NPAP1: variants seen among roughly 807,000 people sequenced by gnomAD.
NPAP1 encodes nuclear pore associated protein 1, also known as nuclear pore-associated protein 1.
For synonymous variants in NPAP1, 616 were observed against 581.4 expected (o/e 1.06, Z -0.86); for missense variants, 1,483 against 1,454.5 (o/e 1.02, Z -0.32).
Position 24,677,128 on chromosome 15 carries a change from T to C in NPAP1, c.1261T>C (p.Ser421Pro), listed in dbSNP as rs772617158. ...CCTGACCACTTACACTTCCCAGGTC[T>C]CAGCTCCTTTGCCCATCCCTGACTT... is the stretch of plus-strand genomic sequence containing the variant. ...LPLTTYTSQVSAPLPIPDLAD... is the reference protein window; with the variant it reads ...LPLTTYTSQVPAPLPIPDLAD... The change falls in exon 1 of 1, where the codon TCA becomes CCA. Residue 421 changes from serine to proline, a missense_variant. Coordinates refer to ENST00000329468, the MANE Select transcript of NPAP1 (RefSeq NM_018958.3). 11 of 1,613,988 alleles carry C rather than the reference T, an allele frequency of 6.8e-6. No individual in the cohort carries two copies. The South Asian group carries it at 1.2e-4, about 18-fold the overall frequency.
In NPAP1 at chr15:24,680,400, A is replaced by G. The variant is rs1595617385; in HGVS notation, c.*1062A>G. On this transcript the variant is annotated 3_prime_UTR_variant, in exon 1 of 1. Coordinates refer to ENST00000329468, the MANE Select transcript of NPAP1 (RefSeq NM_018958.3). ...GCCACTAGTGACACTTGTACCTGCCAAGGCCTTCATAGGAGCCACCAACTC... is the reference window on the plus strand; with the variant it reads ...GCCACTAGTGACACTTGTACCTGCCGAGGCCTTCATAGGAGCCACCAACTC... The G allele has an allele frequency of 6.0e-6, 1 of 167,300 alleles. No homozygotes were observed. The highest frequency in any genetic ancestry group is 1.9e-4 in the East Asian group (1 of 5,174). 10.4% of individuals were successfully genotyped at this position (167,300 alleles called of 1,614,324 possible).
In NPAP1 at chr15:24,676,829, C is replaced by T. The variant is rs2048979624; in HGVS notation, c.962C>T (p.Ala321Val). 2.5e-6 allele frequency: 4 copies of T among 1,613,022 alleles called. No homozygotes were observed. Among genetic ancestry groups the T allele is most frequent in the Non-Finnish European group, 3.4e-6 (4 of 1,180,018 alleles). The stretch of plus-strand genomic sequence containing the variant: ...AGGAGCGCTGCTCCTCCCAGAGCTG[C>T]CCGCAACAGGCCCTGCAAAAGGAAA... Reference protein sequence around the residue: ...PPRSAAPPRAARNRPCKRKMS... With the variant: ...PPRSAAPPRAVRNRPCKRKMS... Residue 321 changes from alanine to valine, a missense_variant, in exon 1 of 1, where the codon GCC (alanine) becomes GTC (valine). Coordinates refer to ENST00000329468, the MANE Select transcript of NPAP1 (RefSeq NM_018958.3).
Position 24,675,945 on chromosome 15 carries a change from T to C in NPAP1, c.78T>C (p.Ala26=). 1 of 1,586,304 alleles carries C rather than the reference T, an allele frequency of 6.3e-7. No individual in the cohort carries two copies. Among genetic ancestry groups the C allele is most frequent in the Non-Finnish European group, 8.6e-7 (1 of 1,168,910 alleles). The part of the protein sequence containing the change: ...PLPGPGRGAP[A]PLSRDASPPG... ...CAGGGCCAGGGCGTGGCGCCCCCGC[T>C]CCCCTGTCCCGGGACGCCTCCCCGC... is the stretch of plus-strand genomic sequence containing the variant. Residue 26 remains alanine, a synonymous_variant, in exon 1 of 1, where the codon GCT becomes GCC. Transcript: ENST00000329468.
In NPAP1 at chr15:24,676,557, G is replaced by T. The variant is rs146878373; in HGVS notation, c.690G>T (p.Ala230=). 1 of 1,613,994 alleles carries T rather than the reference G, an allele frequency of 6.2e-7. No individual in the cohort carries two copies. Among genetic ancestry groups the T allele is most frequent in the Admixed American group, 1.7e-5 (1 of 60,020 alleles). The part of the protein sequence containing the change: ...SMSEKAQASP[A]SSCLEGPAMP... ...GTGAGAAGGCCCAGGCGTCTCCAGCGAGCTCCTGCTTGGAAGGCCCTGCCA... is the reference window on the plus strand; with the variant it reads ...GTGAGAAGGCCCAGGCGTCTCCAGCTAGCTCCTGCTTGGAAGGCCCTGCCA... The change falls in exon 1 of 1, where the codon GCG becomes GCT. Residue 230 remains alanine, a synonymous_variant. Coordinates refer to ENST00000329468, the MANE Select transcript of NPAP1 (RefSeq NM_018958.3).
In NPAP1 at chr15:24,681,833, G is replaced by T. The variant is rs2049019564; in HGVS notation, c.*2495G>T. 1 of 166,894 alleles carries T rather than the reference G, an allele frequency of 6.0e-6. No homozygotes were observed. The highest frequency in any genetic ancestry group is 2.1e-4 in the South Asian group (1 of 4,816). 10.3% of individuals were successfully genotyped at this position (166,894 alleles called of 1,614,324 possible). ...GAGATAGATGATAGATAGATAGATA[G>T]ATAGATAGATAATATACATATATAT... is the stretch of plus-strand genomic sequence containing the variant. On this transcript the variant is annotated 3_prime_UTR_variant, in exon 1 of 1. Transcript: ENST00000329468.
rs780245958 is a variant in NPAP1 at position 24,676,133 on chromosome 15, G to T, written c.266G>T (p.Gly89Val). The T allele has an allele frequency of 1.2e-5, 19 of 1,575,302 alleles. 1 individual carries two copies. The South Asian group carries it at 2.1e-4, about 18-fold the overall frequency. ...AAPLGVLPAV[G>V]WGLAIRKTPM... ...CCTCTGGGGGTCCTGCCGGCTGTGG[G>T]TTGGGGGCTGGCCATCAGGAAGACA... The change falls in exon 1 of 1, where the codon GGT becomes GTT. Residue 89 changes from glycine to valine, a missense_variant. Physicochemically the swap from Gly to Val is moderately radical, Grantham distance 109. Transcript: ENST00000329468.
In NPAP1 at chr15:24,677,947, C is replaced by T. The variant is rs2141311482; in HGVS notation, c.2080C>T (p.Pro694Ser). 1 of 1,613,094 alleles carries T rather than the reference C, an allele frequency of 6.2e-7. No homozygotes were observed. The highest frequency in any genetic ancestry group is 2.2e-5 in the East Asian group (1 of 44,774). The change falls in exon 1 of 1, where the codon CCC becomes TCC. Residue 694 changes from proline to serine, a missense_variant. Pro to Ser is a moderately conservative substitution (Grantham distance 74). Coordinates refer to ENST00000329468, the MANE Select transcript of NPAP1 (RefSeq NM_018958.3). ...SASTASSSKP[P>S]IETNAMHTTP... Reference sequence around the variant, plus strand: ...CTCTACAGCATCATCATCCAAACCTCCCATTGAAACCAATGCTATGCATAC... The same window carrying T: ...CTCTACAGCATCATCATCCAAACCTTCCATTGAAACCAATGCTATGCATAC...
Position 24,680,748 on chromosome 15 carries a change from G to C in NPAP1, c.*1410G>C, listed in dbSNP as rs2049011999. 2 of 164,934 alleles carry C rather than the reference G, an allele frequency of 1.2e-5. No homozygotes were observed. Among genetic ancestry groups the C allele is most frequent in the Non-Finnish European group, 2.9e-5 (2 of 68,166 alleles). The allele number at this position is 164,934 out of a possible 1,614,324, so 10.2% of individuals were successfully genotyped here. A position where few individuals can be genotyped will look rare whatever the true frequency, so the allele number is the denominator to read the frequency against. On this transcript the variant is annotated 3_prime_UTR_variant, in exon 1 of 1. Transcript: ENST00000329468. ...TGTTAACTTGGCTGACCCTACCTCT[G>C]GGCCAGTTCTCTCTAGTCATGGACA... is the stretch of plus-strand genomic sequence containing the variant.
rs1555368450 is a variant in NPAP1 at position 24,681,816 on chromosome 15, T to TAATAGATAGATAGATAGATA, written c.*2478_*2479insAATAGATAGATAGATAGATA. 20 of 164,848 alleles carry TAATAGATAGATAGATAGATA rather than the reference T, an allele frequency of 1.2e-4. No individual in the cohort carries two copies. The highest frequency in any genetic ancestry group is 4.0e-4 in the Admixed American group (6 of 15,082). The allele number at this position is 164,848 out of a possible 1,614,324, so 10.2% of individuals were successfully genotyped here. A position where few individuals can be genotyped will look rare whatever the true frequency, so the allele number is the denominator to read the frequency against. On this transcript the variant is annotated 3_prime_UTR_variant, in exon 1 of 1. Transcript: ENST00000329468. ...TACATAGATAGATGATAGAGATAGATGATAGATAGATAGATAGATAGATAG... is the reference window on the plus strand; with the variant it reads ...TACATAGATAGATGATAGAGATAGATAATAGATAGATAGATAGATAGATAGATAGATAGATAGATAGATAG...
chr15:24,677,588 A>C lies in NPAP1; in HGVS notation c.1721A>C (p.Glu574Ala). ...ACCTCACAGACTGCGGTAGACCCTG[A>C]AGTAGTTAATATGGATACTACTGCC... Reference protein sequence around the residue: ...HLTSQTAVDPEVVNMDTTAPS... With the variant: ...HLTSQTAVDPAVVNMDTTAPS... Residue 574 changes from glutamate (E) to alanine (A), a missense_variant, in exon 1 of 1, where the codon GAA (glutamate) becomes GCA (alanine). Coordinates refer to ENST00000329468, the MANE Select transcript of NPAP1 (RefSeq NM_018958.3). 1 of 1,614,166 alleles carries C rather than the reference A, an allele frequency of 6.2e-7. No individual in the cohort carries two copies. Among genetic ancestry groups the C allele is most frequent in the Non-Finnish European group, 8.5e-7 (1 of 1,180,032 alleles).
Position 24,679,861 on chromosome 15 carries a change from G to A in NPAP1, c.*523G>A, listed in dbSNP as rs1309715374. On this transcript the variant is annotated 3_prime_UTR_variant, in exon 1 of 1. Transcript: ENST00000329468. ...TGGCTAAATGCAGGTGGTGCAATAG[G>A]AGATAGCCCCAGATATTTGTAGGGA... is the stretch of plus-strand genomic sequence containing the variant. 1 of 174,636 alleles carries A rather than the reference G, an allele frequency of 5.7e-6. No individual in the cohort carries two copies. Among genetic ancestry groups the A allele is most frequent in the Admixed American group, 5.9e-5 (1 of 16,992 alleles). 10.8% of individuals were successfully genotyped at this position (174,636 alleles called of 1,614,324 possible).
Position 24,680,783 on chromosome 15 carries a change from A to C in NPAP1, c.*1445A>C, listed in dbSNP as rs576211089. 7 of 167,112 alleles carry C rather than the reference A, an allele frequency of 4.2e-5. No homozygotes were observed. Among genetic ancestry groups the C allele is most frequent in the South Asian group, 4.1e-4 (2 of 4,828 alleles). The allele number at this position is 167,112 out of a possible 1,614,324, so 10.4% of individuals were successfully genotyped here. A position where few individuals can be genotyped will look rare whatever the true frequency, so the allele number is the denominator to read the frequency against. Reference sequence around the variant, plus strand: ...TCTCTAGTCATGGACAGAAAGGCAAAATTCCCGACTTTGTGGACCCTATAT... The same window carrying C: ...TCTCTAGTCATGGACAGAAAGGCAACATTCCCGACTTTGTGGACCCTATAT... On this transcript the variant is annotated 3_prime_UTR_variant, in exon 1 of 1. Coordinates refer to ENST00000329468, the MANE Select transcript of NPAP1 (RefSeq NM_018958.3).
In NPAP1 at chr15:24,676,671, C is replaced by T. The variant is rs1230005561; in HGVS notation, c.804C>T (p.Gly268=). The change falls in exon 1 of 1, where the codon GGC becomes GGT. Residue 268 remains glycine, a synonymous_variant. Coordinates refer to ENST00000329468, the MANE Select transcript of NPAP1 (RefSeq NM_018958.3). ...CAGCGCCCCCTGAGCCAGCCGTTGG[C>T]TGCTCCCTGCTGCAGCAGAAGTTGG... ...DATAPPEPAV[G]CSLLQQKLAA... The T allele has an allele frequency of 6.2e-7, 1 of 1,614,052 alleles. No individual in the cohort carries two copies. Among genetic ancestry groups the T allele is most frequent in the Non-Finnish European group, 8.5e-7 (1 of 1,180,050 alleles).
chr15:24,680,408 C>T lies in NPAP1; in HGVS notation c.*1070C>T, dbSNP rs147826901. 2 of 167,280 alleles carry T rather than the reference C, an allele frequency of 1.2e-5. No individual in the cohort carries two copies. The highest frequency in any genetic ancestry group is 4.8e-5 in the African/African-American group (2 of 41,578). 10.4% of individuals were successfully genotyped at this position (167,280 alleles called of 1,614,324 possible). On this transcript the variant is annotated 3_prime_UTR_variant, in exon 1 of 1. Coordinates refer to ENST00000329468, the MANE Select transcript of NPAP1 (RefSeq NM_018958.3). ...TGACACTTGTACCTGCCAAGGCCTT[C>T]ATAGGAGCCACCAACTCATTTTTTA...
rs2141307479 is a variant in NPAP1 at position 24,676,188 on chromosome 15, G to C, written c.321G>C (p.Arg107Ser). The C allele has an allele frequency of 6.4e-7, 1 of 1,569,588 alleles. No homozygotes were observed. The highest frequency in any genetic ancestry group is 1.2e-5 in the South Asian group (1 of 83,434). ...TGCTGCCTGCTCGGAACCCCCCGAG[G>C]TTTGGACACCCCAGTTCCGTAAGGA... is the stretch of plus-strand genomic sequence containing the variant. ...TPMLPARNPP[R>S]FGHPSSVRIP... is the part of the protein sequence containing the mutation. The change falls in exon 1 of 1, where the codon AGG becomes AGC. Residue 107 changes from arginine (R) to serine (S), a missense_variant. Arg to Ser is a moderately radical substitution (Grantham distance 110). Transcript: ENST00000329468.
rs2141310771 is a variant in NPAP1, at chr15:24,677,627, T to C, written c.1760T>C (p.Val587Ala). Residue 587 changes from valine (V) to alanine (A), a missense_variant, in exon 1 of 1, where the codon GTT becomes GCT. Transcript: ENST00000329468. ...GATACTACTGCCCCATCTCAGGTTG[T>C]TATTTTCACATCTTCCCTAAGCTCC... is the stretch of plus-strand genomic sequence containing the variant. ...NMDTTAPSQV[V>A]IFTSSLSSRV... is the part of the protein sequence containing the mutation. The C allele has an allele frequency of 1.2e-6, 2 of 1,614,210 alleles. No individual in the cohort carries two copies. Among genetic ancestry groups the C allele is most frequent in the Non-Finnish European group, 1.7e-6 (2 of 1,180,034 alleles).
In NPAP1 at chr15:24,676,560, C is replaced by A. The variant is rs754734432; in HGVS notation, c.693C>A (p.Ser231Arg). The A allele has an allele frequency of 7.4e-6, 12 of 1,613,968 alleles. No homozygotes were observed. In the African/African-American group the frequency reaches 1.5e-4, roughly 20 times the overall value. Residue 231 changes from serine (S) to arginine (R), a missense_variant, in exon 1 of 1, where the codon AGC (serine) becomes AGA (arginine). Coordinates refer to ENST00000329468, the MANE Select transcript of NPAP1 (RefSeq NM_018958.3). ...MSEKAQASPA[S>R]SCLEGPAMPS... ...AGAAGGCCCAGGCGTCTCCAGCGAG[C>A]TCCTGCTTGGAAGGCCCTGCCATGC...
rs182409346 is a variant in NPAP1 at position 24,680,239 on chromosome 15, A to C, written c.*901A>C. 6.0e-6 allele frequency: 1 copy of C among 165,660 alleles called. No individual in the cohort carries two copies. Among genetic ancestry groups the C allele is most frequent in the African/African-American group, 2.4e-5 (1 of 41,368 alleles). The allele number at this position is 165,660 out of a possible 1,614,324, so 10.3% of individuals were successfully genotyped here. A position where few individuals can be genotyped will look rare whatever the true frequency, so the allele number is the denominator to read the frequency against. ...TCAAACTCCTGACCTCAGGTGATCC[A>C]CCCACCTCGGCCTCCCAAAGTGCTA... On this transcript the variant is annotated 3_prime_UTR_variant, in exon 1 of 1. Coordinates refer to ENST00000329468, the MANE Select transcript of NPAP1 (RefSeq NM_018958.3).
the NPAP1 span, chr15:24,678,139 A>ACAGCT: frequency 6.2e-7 from 1 of 1,611,288 alleles, no homozygotes; most frequent in Non-Finnish European, 8.5e-7. Context: ...GGCACCAGCT[A>ACAGCT]CAGCTTCCAA....
Sources: gnomAD v4.1 joint callset for allele counts on GRCh38, gnomAD v4.1.1 for gene constraint, MANE v1.5 for transcripts, NCBI Gene and HGNC (gene_info 2026-07-23, HGNC 2026-07-21) for gene names.